RAP1GAP: variants seen among roughly 807,000 people sequenced by gnomAD.
RAP1GAP encodes RAP1 GTPase activating protein, also known as rap1 GTPase-activating protein 1.
In RAP1GAP, 35 loss-of-function variants were observed where a neutral mutation model predicts 87.2. That is an observed-to-expected ratio of 0.40 (90% CI 0.31 to 0.53). The LOEUF is 0.53. Among genes scored for constraint, RAP1GAP ranks in the 20% least tolerant of loss-of-function variants. The pLI is 0.48. For synonymous variants in RAP1GAP, 375 were observed against 363.9 expected (o/e 1.03, Z -0.35); for missense variants, 734 against 898.9 (o/e 0.82, Z 2.35).
chr1:21,656,159 G>A (rs1370816441), intron 1 of RAP1GAP, among the ~76,000 whole-genome samples: 3 of 152,184 alleles, frequency 2.0e-5, no homozygotes, highest in Admixed American at 6.5e-5. Context: ...TGGGCTGGGC[G>A]CGGTGGCTCA....
intron 1 of RAP1GAP, among the ~76,000 whole-genome samples, chr1:21,650,499 G>A (rs1483812987): frequency 6.6e-6 from 1 of 152,362 alleles, no homozygotes; most frequent in East Asian, 1.9e-4. Flanking sequence ...GCTGGGGGCA[G>A]GGGCTGAGCA....
At position 21,619,011 on chromosome 1, in the gene RAP1GAP, C is replaced by T. The variant is rs1463102195; in HGVS notation, c.66+14G>A. The stretch of plus-strand genomic sequence containing the variant: ...ACCCCCTAGAGAGGGAGGCAGACTG[C>T]CAGGCCCACCTACTTTGAGGGGCGG... On this transcript the variant is annotated intron_variant, in intron 5 of 24. Transcript: ENST00000374765. The T allele has an allele frequency of 6.3e-7, 1 of 1,591,640 alleles. No homozygotes were observed. Among genetic ancestry groups the T allele is most frequent in the Non-Finnish European group, 8.6e-7 (1 of 1,167,626 alleles).
At position 21,663,415 on chromosome 1, in the gene RAP1GAP, A is replaced by G. The variant is rs190717361; in HGVS notation, c.-149+5839T>C. On this transcript the variant is annotated intron_variant, in intron 1 of 24. Coordinates refer to ENST00000374765, the MANE Select transcript of RAP1GAP (RefSeq NM_002885.4). ...GGACCTCCAACACAGGGGAAGACGC[A>G]AGAGGCTGGTGATGGTGACATCAGC... 6.6e-5 allele frequency among the ~76,000 whole-genome samples: 10 copies of G among 152,298 alleles called. No homozygotes were observed. The East Asian group carries it at 1.3e-3, about 21-fold the overall frequency.
chr1:21,601,910 C>T (rs2068892495), intron 19 of RAP1GAP, 113 bp from the exon 20 acceptor site: 1 of 689,868 alleles, frequency 1.4e-6, no homozygotes, highest in Middle Eastern at 4.2e-4. Context: ...ATACCCACGC[C>T]CCTATACTCA....
chr1:21,644,900 CAAAAAAA>C (rs34783815), intron 2 of RAP1GAP, among the ~76,000 whole-genome samples: 6 of 114,552 alleles, frequency 5.2e-5, no homozygotes, highest in Non-Finnish European at 1.0e-4. Flanking sequence ...GACCCTGTCT[CAAAAAAA>C]AAAAAAAAAA....
chr1:21,659,544 G>A (rs1026112598), intron 1 of RAP1GAP, among the ~76,000 whole-genome samples: 1 of 151,972 alleles, frequency 6.6e-6, no homozygotes, highest in African/African-American at 2.4e-5. Context: ...CTGTGCTCTC[G>A]CCGCCCCCTC....
intron 2 of RAP1GAP, among the ~76,000 whole-genome samples, chr1:21,638,104 T>C (rs59282082): frequency 0.011 from 1,562 of 147,686 alleles, 27 homozygotes; most frequent in African/African-American, 0.037. Context: ...TGGGCCAACA[T>C]TGCACCACTG....
At chr1:21,627,161 C>T (rs1298312721) in intron 2 of RAP1GAP, among the ~76,000 whole-genome samples, 1 of 152,236 alleles carries the variant, frequency 6.6e-6, no homozygotes, top group Non-Finnish European at 1.5e-5. Context: ...CCCAGTGGTT[C>T]CCGGGATCCT....
chr1:21,660,024 ACTGCCCTGCCCTGG>A (rs1011583548), intron 1 of RAP1GAP, among the ~76,000 whole-genome samples: 5 of 151,948 alleles, frequency 3.3e-5, no homozygotes, highest in African/African-American at 1.2e-4. Context: ...AACAGTACAC[ACTGCCCTGCCCTGG>A]CTGCTCTGTC....
intron 2 of RAP1GAP, among the ~76,000 whole-genome samples, chr1:21,645,940 A>T (rs1164589553): frequency 6.6e-6 from 1 of 152,158 alleles, no homozygotes; most frequent in Non-Finnish European, 1.5e-5. Flanking sequence ...AGCAGCATCC[A>T]GGAGATCGAG....
chr1:21,613,763 C>T lies in RAP1GAP; in HGVS notation c.396-57G>A. On this transcript the variant is annotated intron_variant, in intron 8 of 24. Coordinates refer to ENST00000374765, the MANE Select transcript of RAP1GAP (RefSeq NM_002885.4). This position sits in a 1 kb window ranked among gnomAD's most constrained non-coding sequence, Gnocchi z 4.7. The stretch of plus-strand genomic sequence containing the variant: ...GGGCAGCAGGACAGGAAAATGGGAA[C>T]CCCACCCCCCACAAAGTAAGGCCAG... 1 of 1,492,590 alleles carries T rather than the reference C, an allele frequency of 6.7e-7. No homozygotes were observed. The allele number at this position is 1,492,590 out of a possible 1,614,324, so 92.5% of individuals were successfully genotyped here.
intron 2 of RAP1GAP, among the ~76,000 whole-genome samples, chr1:21,640,065 A>G (rs1049029927): frequency 2.3e-5 from 1 of 43,400 alleles, no homozygotes; most frequent in East Asian, 7.5e-4. Context: ...CCCCCCTCCC[A>G]CCCGCCCACT....
At chr1:21,599,351 C>T (rs1022310885) in intron 21 of RAP1GAP, 143 bp downstream of exon 21, 18 of 1,202,232 alleles carry the variant, frequency 1.5e-5, no homozygotes, top group Admixed American at 2.3e-5. Context: ...GGGGAGGGTT[C>T]GTCTGCACTG....
At chr1:21,601,884 C>A in intron 19 of RAP1GAP, 87 bp from the exon 20 acceptor site, 1 of 911,062 alleles carries the variant, frequency 1.1e-6, no homozygotes, top group Non-Finnish European at 1.6e-6. Context: ...AGGGGAGTCA[C>A]GGTGCCTCCT....
chr1:21,651,506 A>G (rs373372178), intron 1 of RAP1GAP: 6 of 649,176 alleles, frequency 9.2e-6, no homozygotes, highest in African/African-American at 7.3e-5. Flanking sequence ...GTGCTTAGAC[A>G]CAAACACAGC....
At chr1:21,661,252 C>CA (rs60956284) in intron 1 of RAP1GAP, among the ~76,000 whole-genome samples, 18,895 of 127,204 alleles carry the variant, frequency 0.15, 1,311 homozygotes, top group East Asian at 0.24. Flanking sequence ...ACTCTGTCTC[C>CA]AAAAAAAAAA....
chr1:21,613,773 C>G lies in RAP1GAP; in HGVS notation c.396-67G>C, dbSNP rs537572349. 2.6e-5 allele frequency: 39 copies of G among 1,476,310 alleles called. No homozygotes were observed. Among genetic ancestry groups the G allele is most frequent in the East Asian group, 1.6e-4 (7 of 44,180 alleles). 91.5% of individuals were successfully genotyped at this position (1,476,310 alleles called of 1,614,324 possible). ...ACAGGAAAATGGGAACCCCACCCCC[C>G]ACAAAGTAAGGCCAGAAGGGGGTGG... On this transcript the variant is annotated intron_variant, in intron 8 of 24. Coordinates refer to ENST00000374765, the MANE Select transcript of RAP1GAP (RefSeq NM_002885.4). This position sits in a 1 kb window ranked among gnomAD's most constrained non-coding sequence, Gnocchi z 4.7.
intron 2 of RAP1GAP, among the ~76,000 whole-genome samples, chr1:21,628,965 G>A (rs971322315): frequency 1.3e-5 from 2 of 152,038 alleles, no homozygotes; most frequent in Non-Finnish European, 2.9e-5. Context: ...GCTCCCATGG[G>A]GACTCTTTAG....
intron 1 of RAP1GAP, among the ~76,000 whole-genome samples, chr1:21,659,189 A>G (rs1767432): frequency 0.74 from 112,734 of 151,938 alleles, 42,075 homozygotes; most frequent in East Asian, 0.98. Context: ...ACAGGCGTGA[A>G]CCACAGTGCC....
Sources: allele counts gnomAD v4.1 joint callset (sites outside exome capture counted in the v4.1 genomes callset), GRCh38; gene constraint gnomAD v4.1.1; non-coding constraint Gnocchi (gnomAD v3.1); transcripts MANE v1.5; gene names NCBI Gene and HGNC (gene_info 2026-07-23, HGNC 2026-07-21).